PIK3C2G: variants seen among roughly 807,000 people sequenced by gnomAD.
PIK3C2G encodes phosphatidylinositol-4-phosphate 3-kinase catalytic subunit type 2 gamma, also known as phosphatidylinositol 3-kinase C2 domain-containing subunit gamma.
PIK3C2G carries 168 observed loss-of-function variants against 181.1 expected under a neutral mutation model. The ratio of observed to expected loss-of-function variants is 0.93; its 90% CI spans 0.82 to 1.05. PIK3C2G has a LOEUF of 1.05. PIK3C2G is among the 50% of genes least tolerant of loss of function. The pLI, the probability that PIK3C2G is intolerant of heterozygous loss-of-function variation, is 0.00. For missense variants in PIK3C2G, 1,869 were observed against 1,732.8 expected, an observed-to-expected ratio of 1.08 and a Z score of -1.40; for synonymous variants, 573 against 592.2, an observed-to-expected ratio of 0.97 and a Z score of 0.47.
chr12:18,700,077 A>C, the PIK3C2G span: 1 of 758,718 alleles, frequency 1.3e-6, no homozygotes, highest in African/African-American at 1.8e-5. Context: ...CTCCTCAAAC[A>C]CCATTTGATT....
intron 31 of PIK3C2G, among the ~76,000 whole-genome samples, chr12:18,620,708 A>G (rs1948823369): frequency 6.6e-6 from 1 of 152,014 alleles, no homozygotes; most frequent in South Asian, 2.1e-4. Context: ...TTGCAAAGTG[A>G]GTTTTCTACA....
chr12:18,300,022 T>C (rs1230753066), intron 5 of PIK3C2G, among the ~76,000 whole-genome samples: 1 of 152,008 alleles, frequency 6.6e-6, no homozygotes. Flanking sequence ...CTGGTTTTAG[T>C]ATCAGGGTAA....
At chr12:18,302,021 G>A (rs1027467938) in intron 5 of PIK3C2G, among the ~76,000 whole-genome samples, 2 of 152,188 alleles carry the variant, frequency 1.3e-5, no homozygotes, top group African/African-American at 4.8e-5. Context: ...AGCTACAGTT[G>A]TTAGTTCAGG....
the PIK3C2G span, among the ~76,000 whole-genome samples, chr12:18,663,176 G>T: frequency 6.6e-6 from 1 of 152,058 alleles, no homozygotes; most frequent in East Asian, 1.9e-4. Flanking sequence ...AGGCAAGGGT[G>T]AACAGGTTCA....
chr12:18,435,110 A>T (rs915954942), intron 18 of PIK3C2G, among the ~76,000 whole-genome samples: 6 of 152,002 alleles, frequency 3.9e-5, no homozygotes, highest in Non-Finnish European at 7.4e-5. Context: ...TACCATTTCA[A>T]TTCTTTCACC....
chr12:18,681,880 G>A, the PIK3C2G span, among the ~76,000 whole-genome samples: 8 of 151,910 alleles, frequency 5.3e-5, no homozygotes, highest in Non-Finnish European at 8.8e-5. Context: ...TGTAAAACTC[G>A]CTTGATTAAA....
Position 18,261,817 on chromosome 12 carries a change from CT to C in PIK3C2G, c.-79+243del, listed in dbSNP as rs746351800. 6.6e-5 allele frequency among the ~76,000 whole-genome samples: 10 copies of C among 151,994 alleles called. 1 individual carries two copies. The highest frequency in any genetic ancestry group is 2.6e-4 in the Admixed American group (4 of 15,240). ...TCCTGAATAAACTTATTCTTTCTCTCTTTCCCCCCTCCCTCTGCCTCTTTCT... is the reference window on the plus strand; with the variant it reads ...TCCTGAATAAACTTATTCTTTCTCTCTTCCCCCCTCCCTCTGCCTCTTTCT... On this transcript the variant is annotated intron_variant, in intron 1 of 32. Transcript: ENST00000538779.
chr12:18,279,085 T>C (rs1949104129), intron 1 of PIK3C2G, among the ~76,000 whole-genome samples: 1 of 152,110 alleles, frequency 6.6e-6, no homozygotes, highest in Non-Finnish European at 1.5e-5. Context: ...ATAGTTCATT[T>C]GAGCGAATAC....
At chr12:18,263,486 G>A (rs931922241) in intron 1 of PIK3C2G, among the ~76,000 whole-genome samples, 4 of 152,072 alleles carry the variant, frequency 2.6e-5, no homozygotes, top group African/African-American at 9.7e-5. Flanking sequence ...CAAATGATGT[G>A]AGATTACTAT....
At chr12:18,437,687 C>G (rs1467291149) in intron 18 of PIK3C2G, among the ~76,000 whole-genome samples, 2 of 151,916 alleles carry the variant, frequency 1.3e-5, no homozygotes, top group African/African-American at 4.8e-5. Context: ...GGTGGAACTT[C>G]TGTTTTCTTC....
intron 32 of PIK3C2G, among the ~76,000 whole-genome samples, chr12:18,646,686 C>T (rs933154738): frequency 3.9e-5 from 6 of 152,114 alleles, no homozygotes; most frequent in African/African-American, 1.4e-4. Flanking sequence ...CTGTAAAAAG[C>T]AGGCAAGTTT....
At chr12:18,246,578 T>A (rs967793377), upstream of PIK3C2G, among the ~76,000 whole-genome samples, 1 of 152,154 alleles carries the variant, frequency 6.6e-6, no homozygotes, top group South Asian at 2.1e-4. Flanking sequence ...CATTTTCCCC[T>A]CTGACTCTCA....
At chr12:18,363,411 T>C (rs1176918800) in intron 12 of PIK3C2G, among the ~76,000 whole-genome samples, 1 of 152,132 alleles carries the variant, frequency 6.6e-6, no homozygotes, top group Non-Finnish European at 1.5e-5. Flanking sequence ...GTCAAGAAGA[T>C]AAAGTAACTT....
intron 31 of PIK3C2G, among the ~76,000 whole-genome samples, chr12:18,615,425 G>GTA (rs148611253): frequency 0.02 from 2,963 of 145,340 alleles, 108 homozygotes; most frequent in African/African-American, 0.071. Flanking sequence ...CCTAAATGTG[G>GTA]TATATATATA....
At chr12:18,317,781 C>A (rs1950932862) in intron 6 of PIK3C2G, among the ~76,000 whole-genome samples, 1 of 152,156 alleles carries the variant, frequency 6.6e-6, no homozygotes, top group South Asian at 2.1e-4. Flanking sequence ...TTTCATATTG[C>A]TGTATTTCAA....
intron 12 of PIK3C2G, among the ~76,000 whole-genome samples, chr12:18,369,285 C>T (rs1365635612): frequency 6.6e-6 from 1 of 152,190 alleles, no homozygotes; most frequent in African/African-American, 2.4e-5. Flanking sequence ...TCTCATTCCT[C>T]TTTAGCATTC....
intron 10 of PIK3C2G, among the ~76,000 whole-genome samples, chr12:18,344,553 T>A (rs1344479868): frequency 6.6e-6 from 1 of 152,102 alleles, no homozygotes; most frequent in Non-Finnish European, 1.5e-5. Context: ...TGCAGGCGTG[T>A]CTGTATGAAA....
rs777720648 is a variant in PIK3C2G at position 18,609,582 on chromosome 12, T to C, written c.4135T>C (p.Tyr1379His). 5.7e-6 allele frequency: 9 copies of C among 1,588,482 alleles called. No homozygotes were observed. In the South Asian group the frequency reaches 6.9e-5, roughly 12 times the overall value. Residue 1379 changes from tyrosine (Y) to histidine (H), a missense_variant, in exon 31 of 33, where the codon TAC becomes CAC. Transcript: ENST00000538779. ...KKPKVQLVIS[Y>H]EDVKLTILVK... is the part of the protein sequence containing the mutation. ...GCCTAAGGTGCAGTTAGTCATATCC[T>C]ACGAGGATGTGAAGCTGACCATACT...
At chr12:18,564,402 G>A (rs1337367172) in intron 28 of PIK3C2G, among the ~76,000 whole-genome samples, 5 of 150,788 alleles carry the variant, frequency 3.3e-5, no homozygotes, top group Non-Finnish European at 7.4e-5. Flanking sequence ...TGATGTAATT[G>A]TTTATACTTT....
Sources: gnomAD v4.1 joint callset for allele counts (sites outside exome capture counted in the v4.1 genomes callset) on GRCh38, gnomAD v4.1.1 for gene constraint, MANE v1.5 for transcripts, NCBI Gene and HGNC (gene_info 2026-07-23, HGNC 2026-07-21) for gene names.